CENPP: variants seen among roughly 807,000 people sequenced by gnomAD.
The protein encoded by CENPP is centromere protein P.
In CENPP, 24 loss-of-function variants were observed where a neutral mutation model predicts 35.6. The ratio of observed to expected loss-of-function variants is 0.67; its 90% confidence interval spans 0.49 to 0.95. CENPP has a LOEUF of 0.95. Ranked by LOEUF, CENPP falls within the 40% of genes least tolerant of loss-of-function variation. CENPP has a pLI of 0.00. For synonymous variants in CENPP, 120 were observed against 125.5 expected, an observed-to-expected ratio of 0.96 and a Z score of 0.29; for missense variants, 332 against 345.3, an observed-to-expected ratio of 0.96 and a Z score of 0.31.
chr9:92,558,462 G>A lies in CENPP; in HGVS notation c.565-52852G>A, dbSNP rs117864012. On this transcript the variant is annotated intron_variant, in intron 5 of 7. Coordinates refer to ENST00000375587, the MANE Select transcript of CENPP (RefSeq NM_001012267.3). ...TGCCCGGCTCTGGGCTGGTACTGGG[G>A]TTGTCTGTACAGAGTCTTGTGATGT... is the stretch of plus-strand genomic sequence containing the variant. 6.0e-4 allele frequency among the ~76,000 whole-genome samples: 91 copies of A among 152,284 alleles called. 1 individual carries two copies. The East Asian group carries it at 0.015, about 25-fold the overall frequency.
intron 5 of CENPP, among the ~76,000 whole-genome samples, chr9:92,524,251 G>A (rs1306891109): frequency 1.3e-5 from 2 of 152,194 alleles, no homozygotes; most frequent in African/African-American, 2.4e-5. Flanking sequence ...TCAGTTATAA[G>A]GAGGTAAGAG....
chr9:92,460,022 G>A (rs922273107), intron 5 of CENPP, among the ~76,000 whole-genome samples: 4 of 148,856 alleles, frequency 2.7e-5, no homozygotes, highest in South Asian at 2.2e-4. Flanking sequence ...CACTTGATTC[G>A]CCCCTATCAG....
intron 5 of CENPP, among the ~76,000 whole-genome samples, chr9:92,452,028 A>T (rs1192543987): frequency 2.0e-5 from 3 of 148,804 alleles, no homozygotes; most frequent in African/African-American, 7.4e-5. Context: ...TAGATATACA[A>T]TCATGTCATC....
At position 92,356,544 on chromosome 9, in the gene CENPP, C is replaced by G. The variant is rs547533513; in HGVS notation, c.467+10757C>G. Among the ~76,000 whole-genome samples the G allele has an allele frequency of 3.9e-5, 6 of 152,290 alleles. 1 individual carries two copies. Among genetic ancestry groups the G allele is most frequent in the African/African-American group, 1.4e-4 (6 of 41,550 alleles). On this transcript the variant is annotated intron_variant, in intron 4 of 7. Transcript: ENST00000375587. ...GTCACAGTGGTCCTGAGGTGTCGTA[C>G]ATCCTCAGCTTATGAAGATAACAGG...
chr9:92,415,634 TA>T (rs1205606949), intron 5 of CENPP, among the ~76,000 whole-genome samples: 1 of 150,752 alleles, frequency 6.6e-6, no homozygotes, highest in African/African-American at 2.4e-5. Context: ...AATCAAATAA[TA>T]AAAAGAAAAT....
At chr9:92,570,146 C>A (rs1039851572) in intron 5 of CENPP, among the ~76,000 whole-genome samples, 1 of 152,132 alleles carries the variant, frequency 6.6e-6, no homozygotes, top group Non-Finnish European at 1.5e-5. Flanking sequence ...GAGGGCATCC[C>A]TGTCTTGTGC....
At chr9:92,567,373 G>GATATATAGATATATATATATATATAT (rs1554688236) in intron 5 of CENPP, among the ~76,000 whole-genome samples, 7 of 129,088 alleles carry the variant, frequency 5.4e-5, no homozygotes, top group African/African-American at 2.0e-4. Flanking sequence ...ACATAAGATA[G>GATATATAGATATATATATATATATAT]ATATATATAT....
At chr9:92,416,563 TAAAA>T in intron 5 of CENPP, 1 of 1,134,852 alleles carries the variant, frequency 8.8e-7, no homozygotes, top group South Asian at 1.7e-5. Context: ...TTTTTTTCTT[TAAAA>T]GATCAGGATT....
At chr9:92,335,440 C>T (rs1840895645) in intron 2 of CENPP, among the ~76,000 whole-genome samples, 1 of 152,054 alleles carries the variant, frequency 6.6e-6, no homozygotes, top group Admixed American at 6.6e-5. Context: ...ATTTTTGGCA[C>T]ATTTATTTTT....
chr9:92,381,079 G>A lies in CENPP; in HGVS notation c.564+1220G>A, dbSNP rs75104407. Among the ~76,000 whole-genome samples, 350 of 152,206 alleles carry A rather than the reference G, an allele frequency of 2.3e-3. 1 individual carries two copies. Among genetic ancestry groups the A allele is most frequent in the Non-Finnish European group, 3.5e-3 (236 of 68,010 alleles). Reference sequence around the variant, plus strand: ...TAACCATCACCACTGTCCTTCTCCAGAAGTTTTTCATCATCCCAAACTGAA... The same window carrying A: ...TAACCATCACCACTGTCCTTCTCCAAAAGTTTTTCATCATCCCAAACTGAA... On this transcript the variant is annotated intron_variant, in intron 5 of 7. Coordinates refer to ENST00000375587, the MANE Select transcript of CENPP (RefSeq NM_001012267.3).
At chr9:92,329,450 T>C (rs1401458631) in intron 1 of CENPP, among the ~76,000 whole-genome samples, 2 of 152,314 alleles carry the variant, frequency 1.3e-5, no homozygotes, top group South Asian at 2.1e-4. Context: ...CATCCCAAAC[T>C]TCTGGGATTA....
At chr9:92,397,898 TC>T in intron 5 of CENPP, among the ~76,000 whole-genome samples, 1 of 152,338 alleles carries the variant, frequency 6.6e-6, no homozygotes, top group East Asian at 1.9e-4. Context: ...GAGAAACATT[TC>T]TATATTTCTG....
intron 1 of CENPP, among the ~76,000 whole-genome samples, chr9:92,329,488 C>G (rs917051235): frequency 6.6e-6 from 1 of 152,042 alleles, no homozygotes; most frequent in Non-Finnish European, 1.5e-5. Flanking sequence ...GGCCGCACAT[C>G]ATTTATATAT....
intron 2 of CENPP, among the ~76,000 whole-genome samples, chr9:92,336,167 T>A (rs565170490): frequency 5.1e-4 from 77 of 152,360 alleles, no homozygotes; most frequent in Non-Finnish European, 7.9e-4. Flanking sequence ...CAATCTCTTT[T>A]TTTTCTGATA....
At chr9:92,472,808 C>T (rs537548767) in intron 5 of CENPP, among the ~76,000 whole-genome samples, 1 of 152,218 alleles carries the variant, frequency 6.6e-6, no homozygotes, top group East Asian at 1.9e-4. Flanking sequence ...TTTTTATGAA[C>T]ACAGGATATT....
At chr9:92,495,805 A>G (rs1846315905) in intron 5 of CENPP, 3 of 952,504 alleles carry the variant, frequency 3.1e-6, no homozygotes, top group South Asian at 4.9e-5. Flanking sequence ...CCCAATATTC[A>G]GTTATATTTA....
chr9:92,334,757 G>A (rs1840869815), intron 2 of CENPP, among the ~76,000 whole-genome samples: 1 of 151,934 alleles, frequency 6.6e-6, no homozygotes, highest in East Asian at 1.9e-4. Context: ...GAGTGTTCCT[G>A]TAGTCCCAGC....
At chr9:92,418,818 A>G (rs1337863482) in intron 5 of CENPP, among the ~76,000 whole-genome samples, 4 of 152,192 alleles carry the variant, frequency 2.6e-5, no homozygotes, top group Non-Finnish European at 5.9e-5. Context: ...AATTTTCCTC[A>G]TGAAACAGTT....
intron 5 of CENPP, among the ~76,000 whole-genome samples, chr9:92,455,862 G>A (rs1844861309): frequency 2.0e-5 from 3 of 152,154 alleles, no homozygotes; most frequent in Admixed American, 2.0e-4. Context: ...ACGAGGTCAG[G>A]AGTTCGAGAC....
Sources: allele counts gnomAD v4.1 joint callset (sites outside exome capture counted in the v4.1 genomes callset), GRCh38; gene constraint gnomAD v4.1.1; transcripts MANE v1.5; gene names NCBI Gene and HGNC (gene_info 2026-07-23, HGNC 2026-07-21).